The following TMEM196 variants were observed in gnomAD, a reference collection of about 807,000 sequenced individuals.
TMEM196 encodes transmembrane protein 196.
Under a neutral mutation model 20.0 loss-of-function variants are expected in TMEM196, and 17 were observed. The observed-to-expected ratio is 0.85, with a 90% CI of 0.58 to 1.27. The LOEUF is 1.27. TMEM196 is among the 50% of genes most tolerant of loss of function. The pLI is 0.00. For synonymous variants in TMEM196, 113 were observed against 88.9 expected (o/e 1.27, Z -1.52); for missense variants, 267 against 223.0 (o/e 1.20, Z -1.26).
At chr7:19,760,788 C>T (rs1785405371) in intron 1 of TMEM196, among the ~76,000 whole-genome samples, 1 of 151,960 alleles carries the variant, frequency 6.6e-6, no homozygotes, top group African/African-American at 2.4e-5. Flanking sequence ...ACTGCTAGAC[C>T]CTCAGGACAA....
intron 1 of TMEM196, among the ~76,000 whole-genome samples, chr7:19,730,865 A>G (rs914403409): frequency 6.6e-6 from 1 of 152,202 alleles, no homozygotes; most frequent in African/African-American, 2.4e-5. Context: ...AGAATTTGGT[A>G]TATAATTTAG....
chr7:19,724,441 G>A, intron 3 of TMEM196, 88 bp from the exon 4 acceptor site: 1 of 1,199,434 alleles, frequency 8.3e-7, no homozygotes. Flanking sequence ...AAGCACAAAA[G>A]AGCCACTATT....
chr7:19,769,936 C>A (rs553403713), intron 1 of TMEM196, among the ~76,000 whole-genome samples: 2 of 152,122 alleles, frequency 1.3e-5, no homozygotes, highest in Non-Finnish European at 2.9e-5. Context: ...TAGGGAGGGC[C>A]AACTGTATTT....
In TMEM196 at chr7:19,729,432, G is replaced by A. The variant is rs1240003370; in HGVS notation, c.154C>T (p.Leu52Phe). ...CACAATATTCCACAAATGCCACAAAGAAGAAACTGAAAAGGAAAAGAAGAA... is the reference window on the plus strand; with the variant it reads ...CACAATATTCCACAAATGCCACAAAAAAGAAACTGAAAAGGAAAAGAAGAA... ...PQLGDSSPFL[L>F]CGICGILCAK... The change falls in exon 2 of 5, where the codon CTT (leucine) becomes TTT (phenylalanine). Residue 52 changes from leucine (L) to phenylalanine (F), a missense_variant. Transcript: ENST00000405844. 2.6e-6 allele frequency: 4 copies of A among 1,550,058 alleles called. No individual in the cohort carries two copies. The highest frequency in any genetic ancestry group is 2.6e-6 in the Non-Finnish European group (3 of 1,146,610).
At chr7:19,771,678 G>T (rs1361490301) in intron 1 of TMEM196, among the ~76,000 whole-genome samples, 1 of 152,164 alleles carries the variant, frequency 6.6e-6, no homozygotes, top group Non-Finnish European at 1.5e-5. Flanking sequence ...TTCACAATTA[G>T]ATTCACATTA....
chr7:19,732,588 A>G (rs954890714), intron 1 of TMEM196, among the ~76,000 whole-genome samples: 1 of 117,962 alleles, frequency 8.5e-6, no homozygotes, highest in Admixed American at 8.6e-5. Context: ...AAAAAAACAA[A>G]AAAAAAAAAA....
chr7:19,748,496 C>G (rs1449675411), intron 1 of TMEM196, among the ~76,000 whole-genome samples: 1 of 152,110 alleles, frequency 6.6e-6, no homozygotes, highest in Admixed American at 6.5e-5. Context: ...TCCGCTTAAA[C>G]GCAGTGTATA....
At chr7:19,725,875 A>G in intron 2 of TMEM196, 107 bp from the exon 3 acceptor site, 1 of 1,356,332 alleles carries the variant, frequency 7.4e-7, no homozygotes. Context: ...ACAATAAAGA[A>G]GAATAAGCGG....
intron 1 of TMEM196, among the ~76,000 whole-genome samples, chr7:19,760,943 A>T (rs1364154572): frequency 6.6e-6 from 1 of 152,198 alleles, no homozygotes; most frequent in East Asian, 1.9e-4. Flanking sequence ...GCTTTCTTCC[A>T]CACCACGCTG....
intron 1 of TMEM196, among the ~76,000 whole-genome samples, chr7:19,742,862 T>A (rs937084843): frequency 2.6e-5 from 4 of 152,150 alleles, no homozygotes; most frequent in African/African-American, 9.7e-5. Flanking sequence ...CTCTAAGGAC[T>A]CCCTAAGCTT....
chr7:19,727,741 G>A (rs537800219), intron 2 of TMEM196, among the ~76,000 whole-genome samples: 15 of 152,188 alleles, frequency 9.9e-5, no homozygotes, highest in Admixed American at 6.5e-4. Flanking sequence ...TTCTGTTACA[G>A]GAAAGCCCAT....
At chr7:19,740,394 G>A (rs1188588656) in intron 1 of TMEM196, among the ~76,000 whole-genome samples, 2 of 152,088 alleles carry the variant, frequency 1.3e-5, no homozygotes, top group Admixed American at 6.6e-5. Flanking sequence ...AGGAGTGATG[G>A]CAACCTGATC....
chr7:19,772,404 C>G, intron 1 of TMEM196, 146 bp downstream of exon 1: 2 of 852,704 alleles, frequency 2.3e-6, no homozygotes, highest in Non-Finnish European at 3.3e-6. Context: ...AGAAGCATAG[C>G]TTGTCAGCAT....
At chr7:19,772,110 C>T (rs1404063731) in intron 1 of TMEM196, among the ~76,000 whole-genome samples, 1 of 152,060 alleles carries the variant, frequency 6.6e-6, no homozygotes, top group Non-Finnish European at 1.5e-5. Flanking sequence ...ACTATCCCTG[C>T]TTGTTCCCTG....
chr7:19,748,085 ATATT>A (rs1784825739), intron 1 of TMEM196, among the ~76,000 whole-genome samples: 1 of 151,972 alleles, frequency 6.6e-6, no homozygotes, highest in Non-Finnish European at 1.5e-5. Flanking sequence ...TCTCCCATGC[ATATT>A]TATTTATTAT....
intron 1 of TMEM196, among the ~76,000 whole-genome samples, chr7:19,730,588 G>A (rs190685412): frequency 3.9e-5 from 6 of 152,254 alleles, no homozygotes; most frequent in East Asian, 3.9e-4. Flanking sequence ...CACTGTTGTC[G>A]TTGTTGTTTA....
At chr7:19,728,187 CCT>C (rs1308294304) in intron 2 of TMEM196, among the ~76,000 whole-genome samples, 1 of 151,908 alleles carries the variant, frequency 6.6e-6, no homozygotes, top group African/African-American at 2.4e-5. Context: ...TTCCCTCCCT[CCT>C]CTTTCTTTCT....
At chr7:19,758,066 A>G (rs559718186) in intron 1 of TMEM196, among the ~76,000 whole-genome samples, 2 of 152,186 alleles carry the variant, frequency 1.3e-5, no homozygotes, top group East Asian at 3.9e-4. Context: ...TCAGATAGCA[A>G]ATGTTAATAG....
intron 1 of TMEM196, among the ~76,000 whole-genome samples, chr7:19,769,108 G>A (rs1284349911): frequency 6.6e-6 from 1 of 152,140 alleles, no homozygotes; most frequent in African/African-American, 2.4e-5. Context: ...TGATATTAAT[G>A]TGTTGAAAGG....
Sources: gnomAD v4.1 joint callset for allele counts (sites outside exome capture counted in the v4.1 genomes callset) on GRCh38, gnomAD v4.1.1 for gene constraint, MANE v1.5 for transcripts, NCBI Gene and HGNC (gene_info 2026-07-23, HGNC 2026-07-21) for gene names.